TSPAN15: variants seen among roughly 807,000 people sequenced by gnomAD.
The protein encoded by TSPAN15 is tetraspanin-15.
A neutral mutation model predicts 34.5 loss-of-function variants in TSPAN15; 20 were observed. That is an observed-to-expected ratio of 0.58 (90% CI 0.41 to 0.84). The LOEUF is 0.84. Ranked by LOEUF, TSPAN15 falls within the 40% of genes least tolerant of loss-of-function variation. The pLI is 0.00. For missense variants in TSPAN15, 313 were observed against 386.1 expected (o/e 0.81, Z 1.59); for synonymous variants, 155 against 153.9 (o/e 1.01, Z -0.05).
intron 1 of TSPAN15, among the ~76,000 whole-genome samples, chr10:69,460,072 C>T (rs1158724497): frequency 6.8e-6 from 1 of 146,738 alleles, no homozygotes; most frequent in Non-Finnish European, 1.5e-5. Flanking sequence ...GAGATGAGAA[C>T]CTCTGGAATC....
downstream of TSPAN15, among the ~76,000 whole-genome samples, chr10:69,511,396 T>G (rs1166850506): frequency 1.3e-5 from 2 of 152,226 alleles, no homozygotes; most frequent in Non-Finnish European, 2.9e-5. Flanking sequence ...GAAGGTAGTT[T>G]GTATTTCTGT....
At chr10:69,459,920 A>C (rs949969762) in intron 1 of TSPAN15, among the ~76,000 whole-genome samples, 76 of 107,978 alleles carry the variant, frequency 7.0e-4, no homozygotes, top group African/African-American at 1.1e-3. Flanking sequence ...GACTCTAGGC[A>C]CCCCCCCCCC....
chr10:69,511,202 G>C (rs760693351), downstream of TSPAN15, among the ~76,000 whole-genome samples: 6 of 152,116 alleles, frequency 3.9e-5, no homozygotes, highest in Admixed American at 6.5e-5. Flanking sequence ...AATCTGTCTG[G>C]TCCTGGCCTT....
chr10:69,527,180 G>A, the TSPAN15 span, among the ~76,000 whole-genome samples: 2 of 148,138 alleles, frequency 1.4e-5, no homozygotes. Flanking sequence ...CTACAGCACT[G>A]GATGAACCTT....
rs76345471 is a variant in TSPAN15, at chr10:69,495,556, T to C, written c.358-38T>C. 12 of 1,489,266 alleles carry C rather than the reference T, an allele frequency of 8.1e-6. No homozygotes were observed. In the East Asian group the frequency reaches 2.3e-4, roughly 28 times the overall value. 92.3% of individuals were successfully genotyped at this position (1,489,266 alleles called of 1,614,324 possible). A position where few individuals can be genotyped will look rare whatever the true frequency, so the allele number is the denominator to read the frequency against. On this transcript the variant is annotated intron_variant, in intron 3 of 7. Transcript: ENST00000373290. Reference sequence around the variant, plus strand: ...AACCTTGGGTTGGACTCCGGGAGTGTGTGGTTCTTTTCCTTTGTAATTTCT... The same window carrying C: ...AACCTTGGGTTGGACTCCGGGAGTGCGTGGTTCTTTTCCTTTGTAATTTCT...
chr10:69,455,548 TC>T (rs1841072035), intron 1 of TSPAN15, among the ~76,000 whole-genome samples: 1 of 123,168 alleles, frequency 8.1e-6, no homozygotes, highest in African/African-American at 3.0e-5. Flanking sequence ...CTTTCTTTCT[TC>T]TCTCTCTCTC....
chr10:69,487,738 G>T (rs1039636185), intron 3 of TSPAN15, among the ~76,000 whole-genome samples: 2 of 152,218 alleles, frequency 1.3e-5, no homozygotes, highest in Non-Finnish European at 2.9e-5. Flanking sequence ...TGATGGAGCT[G>T]GGCTGAGATG....
chr10:69,505,037 A>C (rs1454172171), intron 6 of TSPAN15, among the ~76,000 whole-genome samples: 1 of 152,196 alleles, frequency 6.6e-6, no homozygotes, highest in Non-Finnish European at 1.5e-5. Context: ...AGAAATGCAC[A>C]TTCTTGGTAT....
the TSPAN15 span, among the ~76,000 whole-genome samples, chr10:69,548,015 G>A: frequency 6.6e-6 from 1 of 152,226 alleles, no homozygotes; most frequent in Non-Finnish European, 1.5e-5. Flanking sequence ...GGGATGAAGA[G>A]CTCTGAAGGG....
chr10:69,491,742 A>C (rs1841974459), intron 3 of TSPAN15, among the ~76,000 whole-genome samples: 1 of 152,090 alleles, frequency 6.6e-6, no homozygotes, highest in Non-Finnish European at 1.5e-5. Context: ...GCTTACATGG[A>C]AGTGGTGTTA....
chr10:69,474,305 A>T (rs1841569744), intron 1 of TSPAN15, among the ~76,000 whole-genome samples: 1 of 152,004 alleles, frequency 6.6e-6, no homozygotes, highest in Non-Finnish European at 1.5e-5. Context: ...TCTTGCCCTC[A>T]CTTTGGGCCC....
the TSPAN15 span, among the ~76,000 whole-genome samples, chr10:69,535,121 C>T: frequency 3.3e-5 from 5 of 152,140 alleles, no homozygotes; most frequent in African/African-American, 9.7e-5. Flanking sequence ...AACATCTGGG[C>T]ATAATGACCA....
chr10:69,488,200 T>C (rs1841894983), intron 3 of TSPAN15, among the ~76,000 whole-genome samples: 1 of 152,142 alleles, frequency 6.6e-6, no homozygotes, highest in South Asian at 2.1e-4. Flanking sequence ...GGGGAAAATA[T>C]CACAAAAAGA....
intron 3 of TSPAN15, among the ~76,000 whole-genome samples, chr10:69,492,830 C>T (rs1164224697): frequency 6.6e-6 from 1 of 152,164 alleles, no homozygotes; most frequent in Non-Finnish European, 1.5e-5. Flanking sequence ...GCACAGTGGC[C>T]AGTGGGGGTG....
chr10:69,481,265 C>T (rs570690598), intron 1 of TSPAN15, among the ~76,000 whole-genome samples: 1 of 152,336 alleles, frequency 6.6e-6, no homozygotes, highest in Non-Finnish European at 1.5e-5. Context: ...TTGTCAGTGT[C>T]TTGAGTCCCT....
the TSPAN15 span, among the ~76,000 whole-genome samples, chr10:69,532,459 G>A: frequency 6.6e-6 from 1 of 152,172 alleles, no homozygotes; most frequent in Admixed American, 6.5e-5. Flanking sequence ...AATTGTGCTA[G>A]GATAATTGGC....
the TSPAN15 span, among the ~76,000 whole-genome samples, chr10:69,512,709 C>T: frequency 6.6e-6 from 1 of 152,340 alleles, no homozygotes; most frequent in East Asian, 1.9e-4. Flanking sequence ...TTCTGTCTGG[C>T]TTCTTTCACT....
At chr10:69,470,421 T>C (rs951117468) in intron 1 of TSPAN15, among the ~76,000 whole-genome samples, 2 of 152,232 alleles carry the variant, frequency 1.3e-5, no homozygotes, top group Admixed American at 6.5e-5. Context: ...GAGACTCCCC[T>C]GCTTAAATTA....
At chr10:69,469,351 C>T (rs926760363) in intron 1 of TSPAN15, among the ~76,000 whole-genome samples, 8 of 152,180 alleles carry the variant, frequency 5.3e-5, no homozygotes, top group Non-Finnish European at 1.0e-4. Flanking sequence ...GTGAGCCATT[C>T]GCGCAAATTA....
Sources: gnomAD v4.1 joint callset for allele counts (sites outside exome capture counted in the v4.1 genomes callset) on GRCh38, gnomAD v4.1.1 for gene constraint, MANE v1.5 for transcripts, NCBI Gene and HGNC (gene_info 2026-07-23, HGNC 2026-07-21) for gene names.